Variants in CCDC136 observed in about 807,000 individuals in gnomAD.
CCDC136 encodes coiled-coil domain containing 136, also known as coiled-coil domain-containing protein 136.
A neutral mutation model predicts 141.2 loss-of-function variants in CCDC136; 100 were observed. That is an observed-to-expected ratio of 0.71 (90% CI 0.60 to 0.84). The LOEUF (loss-of-function observed/expected upper bound fraction) is 0.84, where lower values mean the gene tolerates loss of function less well. Ranked by LOEUF, CCDC136 falls within the 40% of genes least tolerant of loss-of-function variation. The pLI is 0.00. For synonymous variants in CCDC136, 474 were observed against 531.9 expected, an observed-to-expected ratio of 0.89 and a Z score of 1.50; for missense variants, 1,206 against 1,379.4, an observed-to-expected ratio of 0.87 and a Z score of 1.99.
intron 13 of CCDC136, 140 bp from the exon 14 acceptor site, chr7:128,812,568 T>C: frequency 1.4e-6 from 1 of 726,908 alleles, no homozygotes; most frequent in South Asian, 1.7e-5. Context: ...ATGCTCTTTA[T>C]GGGGGTAAAT....
Position 128,805,264 on chromosome 7 carries a change from T to C in CCDC136, c.783-95T>C, listed in dbSNP as rs1585085187. ...CACAATAGAAGGCCCCTTACTATCT[T>C]TGGCCTAAAATGAAGGTATCAGGAC... On this transcript the variant is annotated intron_variant, in intron 5 of 17. Transcript: ENST00000297788. This position sits in a 1 kb window ranked among gnomAD's most constrained non-coding sequence, Gnocchi z 4.6. The C allele has an allele frequency of 4.8e-6, 5 of 1,051,220 alleles. No homozygotes were observed. The highest frequency in any genetic ancestry group is 5.7e-6 in the Non-Finnish European group (4 of 698,536). 65.1% of individuals were successfully genotyped at this position (1,051,220 alleles called of 1,614,324 possible). A position where few individuals can be genotyped will look rare whatever the true frequency, so the allele number is the denominator to read the frequency against.
At position 128,811,950 on chromosome 7, in the gene CCDC136, A is replaced by G. The variant is rs781284902; in HGVS notation, c.2179A>G (p.Met727Val). ...QADLQLCLEEMQLLQVQSPSI... is the reference protein window; with the variant it reads ...QADLQLCLEEVQLLQVQSPSI... Reference sequence around the variant, plus strand: ...AGACTTGCAGCTCTGCCTGGAAGAAATGCAGCTGCTTCAAGTCCAGTCCCC... The same window carrying G: ...AGACTTGCAGCTCTGCCTGGAAGAAGTGCAGCTGCTTCAAGTCCAGTCCCC... The change falls in exon 13 of 18, where the codon ATG becomes GTG. Residue 727 changes from methionine (M) to valine (V), a missense_variant. Transcript: ENST00000297788. 1 of 1,613,990 alleles carries G rather than the reference A, an allele frequency of 6.2e-7. No individual in the cohort carries two copies.
Position 128,812,314 on chromosome 7 carries a change from T to C in CCDC136, c.2541+2T>C, listed in dbSNP as rs374743001. On this transcript the variant is annotated splice_donor_variant, in intron 13 of 17. Transcript: ENST00000297788. LOFTEE classifies it high-confidence loss of function. ...CCTGCTGAGCCTGAAGACATGGAGG[T>C]AATGGTTGCCAGGTGACAGGTCAGG... The C allele has an allele frequency of 6.2e-6, 10 of 1,608,892 alleles. No individual in the cohort carries two copies. In the South Asian group the frequency reaches 1.1e-4, roughly 18 times the overall value.
chr7:128,816,708 C>T lies in CCDC136; in HGVS notation c.3363+777C>T, dbSNP rs538434229. Among the ~76,000 whole-genome samples, 3 of 152,300 alleles carry T rather than the reference C, an allele frequency of 2.0e-5. No individual in the cohort carries two copies. In the East Asian group the frequency reaches 5.8e-4, roughly 29 times the overall value. The stretch of plus-strand genomic sequence containing the variant: ...TCTGCAGGTATGTAGCAACTGAATT[C>T]TTGCCCTGGACTTAACTCAGGGCTC... On this transcript the variant is annotated intron_variant, in intron 16 of 17. Transcript: ENST00000297788.
intron 3 of CCDC136, among the ~76,000 whole-genome samples, chr7:128,799,776 A>T (rs1295145778): frequency 6.6e-6 from 1 of 152,156 alleles, no homozygotes; most frequent in Non-Finnish European, 1.5e-5. Context: ...TGACCCTCCC[A>T]ACCCAATCCT....
At position 128,792,008 on chromosome 7, in the gene CCDC136, A is replaced by C; in HGVS notation, c.-404A>C. ...ACCTCAGCCTTTCAGCCTCTTCTTC[A>C]CTGGCTCCCGCCCTCTTTCAGTCTT... is the stretch of plus-strand genomic sequence containing the variant. On this transcript the variant is annotated 5_prime_UTR_variant, in exon 1 of 18. Transcript: ENST00000297788. 2 of 1,180,500 alleles carry C rather than the reference A, an allele frequency of 1.7e-6. No homozygotes were observed. Among genetic ancestry groups the C allele is most frequent in the South Asian group, 2.7e-5 (1 of 36,578 alleles). The allele number at this position is 1,180,500 out of a possible 1,614,324, so 73.1% of individuals were successfully genotyped here. A position where few individuals can be genotyped will look rare whatever the true frequency, so the allele number is the denominator to read the frequency against.
chr7:128,792,495 C>T, intron 1 of CCDC136, 68 bp downstream of exon 1: 1 of 1,291,702 alleles, frequency 7.7e-7, no homozygotes, highest in Non-Finnish European at 1.1e-6. Flanking sequence ...TTTCCTCCCT[C>T]TGACCCCCAG....
chr7:128,812,703 C>G lies in CCDC136; in HGVS notation c.2542-5C>G, dbSNP rs200086266. ...GTGCTATTGTTGCTCCCCCACCCCC[C>G]GCAGCGCTTTGAGGAAATGGTTGTG... On this transcript the variant is annotated splice_polypyrimidine_tract_variant and splice_region_variant and intron_variant, in intron 13 of 17. Coordinates refer to ENST00000297788, the MANE Select transcript of CCDC136 (RefSeq NM_022742.5). 7 of 1,609,860 alleles carry G rather than the reference C, an allele frequency of 4.3e-6. No homozygotes were observed. The South Asian group carries it at 6.6e-5, about 15-fold the overall frequency.
rs145005505 is a variant in CCDC136 at position 128,793,362 on chromosome 7, G to A, written c.16+935G>A. 1.2e-3 allele frequency among the ~76,000 whole-genome samples: 188 copies of A among 152,220 alleles called. 3 individuals are homozygous for A. The East Asian group carries it at 0.031, about 25-fold the overall frequency. On this transcript the variant is annotated intron_variant, in intron 1 of 17. Coordinates refer to ENST00000297788, the MANE Select transcript of CCDC136 (RefSeq NM_022742.5). ...TACTTTGTGGTCAGCAGAGTAGGAG[G>A]GGCCTCATATGGCTCAGCTAGGGGA...
chr7:128,812,849 C>G lies in CCDC136; in HGVS notation c.2683C>G (p.Leu895Val), dbSNP rs746922155. ...CAAGCAGAAAGACCTGAAGGAAGAG[C>G]TGGATGCCTGTGAAAGGGAGTTCAA... The part of the protein sequence containing the change: ...LAKQKDLKEE[L>V]DACEREFKEC... The change falls in exon 14 of 18, where the codon CTG becomes GTG. Residue 895 changes from leucine to valine, a missense_variant. Leu to Val is a conservative substitution (Grantham distance 32, BLOSUM62 1). Transcript: ENST00000297788. The G allele has an allele frequency of 6.2e-7, 1 of 1,613,240 alleles. No homozygotes were observed. Among genetic ancestry groups the G allele is most frequent in the Admixed American group, 1.7e-5 (1 of 59,938 alleles).
intron 3 of CCDC136, among the ~76,000 whole-genome samples, chr7:128,796,017 C>T (rs958781860): frequency 1.3e-5 from 2 of 152,028 alleles, no homozygotes; most frequent in African/African-American, 4.8e-5. Flanking sequence ...ACTCTGTTGC[C>T]CAGGCTGGAG....
At chr7:128,802,531 C>G (rs918294348) in intron 4 of CCDC136, among the ~76,000 whole-genome samples, 5 of 152,130 alleles carry the variant, frequency 3.3e-5, no homozygotes, top group Admixed American at 3.3e-4. Context: ...TGGTTATGGT[C>G]TTTCTCTGAG....
Position 128,805,115 on chromosome 7 carries a change from G to A in CCDC136, c.783-244G>A, listed in dbSNP as rs1181642415. Among the ~76,000 whole-genome samples the A allele has an allele frequency of 6.6e-6, 1 of 152,140 alleles. No individual in the cohort carries two copies. The highest frequency in any genetic ancestry group is 1.5e-5 in the Non-Finnish European group (1 of 68,040). ...TTCCAGATTGGAGTGGGCTTGACTA[G>A]GCCTAGCCTCAAAACTAACTGGACT... On this transcript the variant is annotated intron_variant, in intron 5 of 17. Coordinates refer to ENST00000297788, the MANE Select transcript of CCDC136 (RefSeq NM_022742.5). The surrounding 1 kb of genome is among the most constrained non-coding windows in gnomAD (Gnocchi z 4.6).
Position 128,794,750 on chromosome 7 carries a change from C to G in CCDC136, c.328C>G (p.Gln110Glu). The change falls in exon 3 of 18, where the codon CAG (glutamine) becomes GAG (glutamate). Residue 110 changes from glutamine to glutamate, a missense_variant. Transcript: ENST00000297788. This position sits in a 1 kb window ranked among gnomAD's most constrained non-coding sequence, Gnocchi z 4.3. The part of the protein sequence containing the change: ...SAQQAEVFTK[Q>E]IQQLQGELRS... ...CCAGCAGGCAGAGGTGTTCACCAAG[C>G]AGATCCAGCAGCTCCAAGGTAATTC... 6.4e-7 allele frequency: 1 copy of G among 1,551,694 alleles called. No homozygotes were observed. Among genetic ancestry groups the G allele is most frequent in the Non-Finnish European group, 8.7e-7 (1 of 1,146,954 alleles).
chr7:128,811,664 C>T (rs1161956032), intron 12 of CCDC136, 136 bp from the exon 13 acceptor site: 1 of 765,806 alleles, frequency 1.3e-6, no homozygotes, highest in Non-Finnish European at 2.1e-6. Context: ...AAGTCAGAGA[C>T]ATAGGCCGGG....
intron 14 of CCDC136, among the ~76,000 whole-genome samples, chr7:128,813,572 C>G (rs17165226): frequency 0.14 from 21,686 of 152,188 alleles, 1,709 homozygotes; most frequent in African/African-American, 0.2. Context: ...TGACTTGCCT[C>G]TGTTTCCAGG....
At chr7:128,791,288 G>A (rs1042331317), upstream of CCDC136, 1 of 337,486 alleles carries the variant, frequency 3.0e-6, no homozygotes, top group Non-Finnish European at 5.3e-6. This position sits in a 1 kb window ranked among gnomAD's most constrained non-coding sequence, Gnocchi z 7.1. Context: ...TCACCCTCCC[G>A]CGCCGCCCCC....
intron 12 of CCDC136, 137 bp from the exon 13 acceptor site, chr7:128,811,663 A>G: frequency 2.6e-6 from 2 of 756,452 alleles, no homozygotes; most frequent in Non-Finnish European, 4.3e-6. Flanking sequence ...TAAGTCAGAG[A>G]CATAGGCCGG....
Position 128,794,276 on chromosome 7 carries a change from T to C in CCDC136, c.17-72T>C. 6.5e-7 allele frequency: 1 copy of C among 1,547,578 alleles called. No homozygotes were observed. The highest frequency in any genetic ancestry group is 8.7e-7 in the Non-Finnish European group (1 of 1,144,560). ...GTCATCTCTGCCCTGGCATAGTGAG[T>C]TTGAGGGCCCTGGAAGGACGGCAGA... On this transcript the variant is annotated intron_variant, in intron 1 of 17. Coordinates refer to ENST00000297788, the MANE Select transcript of CCDC136 (RefSeq NM_022742.5). The surrounding 1 kb of genome is among the most constrained non-coding windows in gnomAD (Gnocchi z 4.3).
Sources: gnomAD v4.1 joint callset for allele counts (sites outside exome capture counted in the v4.1 genomes callset) on GRCh38, gnomAD v4.1.1 for gene constraint, Gnocchi (gnomAD v3.1) non-coding constraint, MANE v1.5 for transcripts, NCBI Gene and HGNC (gene_info 2026-07-23, HGNC 2026-07-21) for gene names.